SKAP2: variants seen among roughly 807,000 people sequenced by gnomAD.
The protein encoded by SKAP2 is src kinase associated phosphoprotein 2, also known as src kinase-associated phosphoprotein 2.
A neutral mutation model predicts 54.9 loss-of-function variants in SKAP2; 28 were observed. The observed-to-expected ratio is 0.51, with a 90% CI of 0.38 to 0.70. SKAP2 has a LOEUF of 0.70. Ranked by LOEUF, SKAP2 falls within the 30% of genes least tolerant of loss-of-function variation. The pLI, the probability that SKAP2 is intolerant of heterozygous loss-of-function variation, is 0.00. For missense variants in SKAP2, 356 were observed against 424.1 expected (o/e 0.84, Z 1.41); for synonymous variants, 137 against 134.3 (o/e 1.02, Z -0.14).
Position 26,738,834 on chromosome 7 carries a change from G to C in SKAP2, c.430C>G (p.Leu144Val), listed in dbSNP as rs553801337. 4 of 1,607,962 alleles carry C rather than the reference G, an allele frequency of 2.5e-6. No homozygotes were observed. Among genetic ancestry groups the C allele is most frequent in the Admixed American group, 1.7e-5 (1 of 60,002 alleles). ...GFEWQKRWCA[L>V]SKTVFYYYGS... The stretch of plus-strand genomic sequence containing the variant: ...TAATAATAGAATACCGTTTTACTGA[G>C]AGCACACCACCGTTTCTGCCATTCA... The change falls in exon 6 of 13, where the codon CTC becomes GTC. Residue 144 changes from leucine (L) to valine (V), a missense_variant. Coordinates refer to ENST00000345317, the MANE Select transcript of SKAP2 (RefSeq NM_003930.5).
rs1783699942 is a variant in SKAP2 at position 26,792,898 on chromosome 7, G to C, written c.307+51132C>G. The stretch of plus-strand genomic sequence containing the variant: ...CTTTTCATATTTCAAAATTATAATG[G>C]TGAAAGGCCTACATAAAATTCTTAA... On this transcript the variant is annotated intron_variant, in intron 4 of 12. Coordinates refer to ENST00000345317, the MANE Select transcript of SKAP2 (RefSeq NM_003930.5). Among the ~76,000 whole-genome samples the C allele has an allele frequency of 4.6e-5, 7 of 152,254 alleles. No homozygotes were observed. The South Asian group carries it at 1.5e-3, about 32-fold the overall frequency.
At chr7:26,863,594 T>C (rs533930447) in intron 1 of SKAP2, among the ~76,000 whole-genome samples, 1 of 152,350 alleles carries the variant, frequency 6.6e-6, no homozygotes, top group Non-Finnish European at 1.5e-5. Flanking sequence ...AGTGGATTCA[T>C]AATGCTACTG....
At chr7:26,660,591 T>C in the SKAP2 span, among the ~76,000 whole-genome samples, 1 of 151,992 alleles carries the variant, frequency 6.6e-6, no homozygotes, top group Non-Finnish European at 1.5e-5. Context: ...TTAGGAAAAG[T>C]TTAGAAAACA....
At chr7:26,822,732 A>G (rs1179535569) in intron 4 of SKAP2, among the ~76,000 whole-genome samples, 1 of 151,834 alleles carries the variant, frequency 6.6e-6, no homozygotes, top group Non-Finnish European at 1.5e-5. Flanking sequence ...AAAAAAAAAA[A>G]ATTAGCCAGG....
intron 4 of SKAP2, among the ~76,000 whole-genome samples, chr7:26,809,334 AC>A (rs1784090383): frequency 6.6e-6 from 1 of 151,940 alleles, no homozygotes; most frequent in Non-Finnish European, 1.5e-5. Context: ...AATCATTTGA[AC>A]CCGGGAGGCA....
At chr7:26,717,258 C>G (rs1029692136) in intron 9 of SKAP2, among the ~76,000 whole-genome samples, 1 of 152,076 alleles carries the variant, frequency 6.6e-6, no homozygotes, top group African/African-American at 2.4e-5. Context: ...TGTCTGTAAT[C>G]CCAACAGTTT....
chr7:26,763,143 A>G (rs1782969782), intron 4 of SKAP2, among the ~76,000 whole-genome samples: 1 of 152,172 alleles, frequency 6.6e-6, no homozygotes, highest in African/African-American at 2.4e-5. Flanking sequence ...TAATAATACC[A>G]AATATTTACT....
intron 4 of SKAP2, among the ~76,000 whole-genome samples, chr7:26,807,518 G>A (rs115104262): frequency 0.01 from 1,597 of 152,230 alleles, 27 homozygotes; most frequent in African/African-American, 0.036. Context: ...TTCCTGAGGC[G>A]CCCCCAGCCA....
downstream of SKAP2, among the ~76,000 whole-genome samples, chr7:26,665,499 T>C (rs1169265467): frequency 1.3e-5 from 2 of 152,188 alleles, no homozygotes; most frequent in East Asian, 1.9e-4. Flanking sequence ...TCTTGAGATA[T>C]TGTGGGGTGC....
chr7:26,806,467 C>T (rs1477178311), intron 4 of SKAP2, among the ~76,000 whole-genome samples: 4 of 152,122 alleles, frequency 2.6e-5, no homozygotes, highest in African/African-American at 9.7e-5. Flanking sequence ...GTCCCAGCTA[C>T]TCAGGAAACA....
At chr7:26,709,602 A>T (rs1787248483) in intron 9 of SKAP2, among the ~76,000 whole-genome samples, 1 of 152,204 alleles carries the variant, frequency 6.6e-6, no homozygotes, top group African/African-American at 2.4e-5. Flanking sequence ...GCTTGTGCAG[A>T]TTTCCATATC....
chr7:26,773,838 C>A (rs772024442), intron 4 of SKAP2, among the ~76,000 whole-genome samples: 1 of 152,128 alleles, frequency 6.6e-6, no homozygotes, highest in Non-Finnish European at 1.5e-5. Context: ...AGAAGCTTAA[C>A]ACATAAACAG....
chr7:26,791,233 T>C (rs1009441135), intron 4 of SKAP2, among the ~76,000 whole-genome samples: 34 of 152,304 alleles, frequency 2.2e-4, no homozygotes, highest in African/African-American at 7.5e-4. Context: ...TATTAGCCTG[T>C]ACCTAGTTCA....
chr7:26,717,291 G>A lies in SKAP2; in HGVS notation c.796+8137C>T, dbSNP rs139672428. On this transcript the variant is annotated intron_variant, in intron 9 of 12. Transcript: ENST00000345317. The stretch of plus-strand genomic sequence containing the variant: ...TTTGGGAGGCTGAAGTGGGCAGATC[G>A]CTTGAACTCAGAAGTTGGAGACCAT... Among the ~76,000 whole-genome samples, 42 of 151,938 alleles carry A rather than the reference G, an allele frequency of 2.8e-4. 1 individual carries two copies. The East Asian group carries it at 5.6e-3, about 20-fold the overall frequency.
chr7:26,683,326 G>T (rs1786547085), intron 11 of SKAP2, among the ~76,000 whole-genome samples: 1 of 152,168 alleles, frequency 6.6e-6, no homozygotes, highest in Admixed American at 6.5e-5. Context: ...GTTGTGATGT[G>T]ACTATCTATA....
In SKAP2 at chr7:26,735,322, A is replaced by G. The variant is rs140646570; in HGVS notation, c.469+3473T>C. On this transcript the variant is annotated intron_variant, in intron 6 of 12. Coordinates refer to ENST00000345317, the MANE Select transcript of SKAP2 (RefSeq NM_003930.5). ...TTGATGAATAAGACTCACGACAATC[A>G]AAGGAAAAGGAAGGATATGAAAGGA... Among the ~76,000 whole-genome samples the G allele has an allele frequency of 3.3e-5, 5 of 152,324 alleles. No homozygotes were observed. In the East Asian group the frequency reaches 9.6e-4, roughly 29 times the overall value.
chr7:26,859,158 C>T (rs1489962465), intron 1 of SKAP2, among the ~76,000 whole-genome samples: 2 of 152,002 alleles, frequency 1.3e-5, no homozygotes, highest in East Asian at 3.9e-4. Context: ...AATTCCACAT[C>T]TCTCTCTACA....
chr7:26,679,696 G>A (rs1032780826), intron 11 of SKAP2, among the ~76,000 whole-genome samples: 2 of 152,146 alleles, frequency 1.3e-5, no homozygotes, highest in African/African-American at 4.8e-5. Flanking sequence ...AACTAAGACA[G>A]CTAAAAAGTA....
intron 4 of SKAP2, among the ~76,000 whole-genome samples, chr7:26,751,218 C>T (rs1782674765): frequency 6.6e-6 from 1 of 152,042 alleles, no homozygotes; most frequent in Non-Finnish European, 1.5e-5. Context: ...AGTTGTCATT[C>T]TATTCCCATC....
Sources: gnomAD v4.1 joint callset for allele counts (sites outside exome capture counted in the v4.1 genomes callset) on GRCh38, gnomAD v4.1.1 for gene constraint, MANE v1.5 for transcripts, NCBI Gene and HGNC (gene_info 2026-07-23, HGNC 2026-07-21) for gene names.